The following ANGEL1 variants were observed in gnomAD, a reference collection of about 807,000 sequenced individuals.
ANGEL1 encodes angel homolog 1, also known as RNA 2',3'-cyclic phosphatase ANGEL1.
ANGEL1 carries 62 observed loss-of-function variants against 76.4 expected under a neutral mutation model. That is an observed-to-expected ratio of 0.81 (90% CI 0.66 to 1.00). ANGEL1 has a LOEUF of 1.00. Ranked by LOEUF, ANGEL1 falls within the 50% of genes least tolerant of loss-of-function variation. The pLI, the probability that ANGEL1 is intolerant of heterozygous loss-of-function variation, is 0.00. For synonymous variants in ANGEL1, 340 were observed against 331.7 expected (o/e 1.03, Z -0.27); for missense variants, 737 against 836.7 (o/e 0.88, Z 1.47).
intron 7 of ANGEL1, among the ~76,000 whole-genome samples, chr14:76,801,065 A>G (rs1271439132): frequency 6.6e-6 from 1 of 150,552 alleles, no homozygotes; most frequent in Non-Finnish European, 1.5e-5. Flanking sequence ...TTCATCTTTG[A>G]CTTCTAGGAA....
chr14:76,803,794 T>C lies in ANGEL1; in HGVS notation c.1499A>G (p.Lys500Arg). ...ATGTGACATGTGCTCACCTGATCTC[T>C]TGGGGTGACAGGAGGTGACATACTG... ...CCQYVTSCHPKRSERRKYGRD... is the reference protein window; with the variant it reads ...CCQYVTSCHPRRSERRKYGRD... The change falls in exon 6 of 10, where the codon AAG becomes AGG. Residue 500 changes from lysine to arginine, a missense_variant. Around this residue, in one of 2 missense-constraint regions of ANGEL1, gnomAD observed 296 missense variants for 387.2 expected, o/e 0.76. Coordinates refer to ENST00000251089, the MANE Select transcript of ANGEL1 (RefSeq NM_015305.4). The C allele has an allele frequency of 1.2e-6, 2 of 1,612,634 alleles. No homozygotes were observed. Among genetic ancestry groups the C allele is most frequent in the Non-Finnish European group, 1.7e-6 (2 of 1,179,140 alleles).
At position 76,789,461 on chromosome 14, in the gene ANGEL1, C is replaced by T; in HGVS notation, c.1853-73G>A. The T allele has an allele frequency of 3.2e-6, 5 of 1,554,306 alleles. No homozygotes were observed. The South Asian group carries it at 6.0e-5, about 19-fold the overall frequency. ...CTGCATGGGCAGGCAGTGGCAGAGT[C>T]CTTTGGGAACGCCTTCTGCAGGCTG... On this transcript the variant is annotated intron_variant, in intron 9 of 9. Coordinates refer to ENST00000251089, the MANE Select transcript of ANGEL1 (RefSeq NM_015305.4).
At position 76,790,785 on chromosome 14, in the gene ANGEL1, G is replaced by T. The variant is rs1894382445; in HGVS notation, c.1689-11C>A. ...ATGGTACCTACAGTCCTACAGGGAT[G>T]AAGGGGGAAACATTAGTTAACAAAA... On this transcript the variant is annotated splice_polypyrimidine_tract_variant and intron_variant, in intron 8 of 9. Coordinates refer to ENST00000251089, the MANE Select transcript of ANGEL1 (RefSeq NM_015305.4). 3 of 1,573,666 alleles carry T rather than the reference G, an allele frequency of 1.9e-6. No homozygotes were observed. Among genetic ancestry groups the T allele is most frequent in the Non-Finnish European group, 2.6e-6 (3 of 1,158,726 alleles).
chr14:76,803,220 T>G lies in ANGEL1; in HGVS notation c.1618+151A>C, dbSNP rs188596482. The G allele has an allele frequency of 3.7e-4, 240 of 653,402 alleles. 1 individual carries two copies. The East Asian group carries it at 6.2e-3, about 17-fold the overall frequency. 40.5% of individuals were successfully genotyped at this position (653,402 alleles called of 1,614,324 possible). A position where few individuals can be genotyped will look rare whatever the true frequency, so the allele number is the denominator to read the frequency against. ...CACTGCACATCCATGCAATGGCCAC[T>G]GAACTCAACTAACCTTCCTTCTAAA... On this transcript the variant is annotated intron_variant, in intron 7 of 9. Transcript: ENST00000251089.
intron 7 of ANGEL1, among the ~76,000 whole-genome samples, chr14:76,802,731 C>T (rs1411386525): frequency 6.6e-6 from 1 of 152,020 alleles, no homozygotes; most frequent in African/African-American, 2.4e-5. Flanking sequence ...AAAAAGTACT[C>T]AGCTAGTTCT....
intron 6 of ANGEL1, 70 bp from the exon 7 acceptor site, chr14:76,803,551 C>T: frequency 6.7e-7 from 1 of 1,482,080 alleles, no homozygotes; most frequent in Non-Finnish European, 9.4e-7. Flanking sequence ...TCCTTAGTAC[C>T]AAGCAACTTC....
In ANGEL1 at chr14:76,786,056, C is replaced by G. The variant is rs1894250918; in HGVS notation, c.*3172G>C. ...TTTCTATTTCACCAAGGAATGTGAA[C>G]TGAAATACAGAGAGGTTAAGTAACT... is the stretch of plus-strand genomic sequence containing the variant. On this transcript the variant is annotated 3_prime_UTR_variant, in exon 10 of 10. Transcript: ENST00000251089. 1 of 152,192 alleles carries G rather than the reference C, an allele frequency of 6.6e-6. No individual in the cohort carries two copies. Among genetic ancestry groups the G allele is most frequent in the African/African-American group, 2.4e-5 (1 of 41,442 alleles). 9.4% of individuals were successfully genotyped at this position (152,192 alleles called of 1,614,324 possible). A position where few individuals can be genotyped will look rare whatever the true frequency, so the allele number is the denominator to read the frequency against.
At chr14:76,799,493 C>A (rs1026523884) in intron 7 of ANGEL1, among the ~76,000 whole-genome samples, 62 of 151,926 alleles carry the variant, frequency 4.1e-4, no homozygotes, top group Admixed American at 9.8e-4. Context: ...CAGGGTTTCA[C>A]CATGTTAGCC....
In ANGEL1 at chr14:76,812,875, C is replaced by A. The variant is rs1186085053; in HGVS notation, c.-48G>T. Reference sequence around the variant, plus strand: ...CCGCTCCTCACTGCAGCCAGCAGGTCCTCCCTCAGCTCGGCCCCGCCCCCG... The same window carrying A: ...CCGCTCCTCACTGCAGCCAGCAGGTACTCCCTCAGCTCGGCCCCGCCCCCG... On this transcript the variant is annotated 5_prime_UTR_variant, in exon 1 of 10. Coordinates refer to ENST00000251089, the MANE Select transcript of ANGEL1 (RefSeq NM_015305.4). 60 of 1,469,930 alleles carry A rather than the reference C, an allele frequency of 4.1e-5. No homozygotes were observed. The highest frequency in any genetic ancestry group is 3.9e-5 in the Non-Finnish European group (43 of 1,111,894). The allele number at this position is 1,469,930 out of a possible 1,614,324, so 91.1% of individuals were successfully genotyped here. A position where few individuals can be genotyped will look rare whatever the true frequency, so the allele number is the denominator to read the frequency against.
At chr14:76,807,538 T>A in intron 3 of ANGEL1, 36 bp from the exon 4 acceptor site, 1 of 1,601,604 alleles carries the variant, frequency 6.2e-7, no homozygotes, top group South Asian at 1.1e-5. Flanking sequence ...CACTCCAGAG[T>A]GCTGGAATGT....
Position 76,809,097 on chromosome 14 carries a change from C to T in ANGEL1, c.611G>A (p.Gly204Glu). The T allele has an allele frequency of 6.2e-7, 1 of 1,614,030 alleles. No homozygotes were observed. Among genetic ancestry groups the T allele is most frequent in the Non-Finnish European group, 8.5e-7 (1 of 1,179,968 alleles). ...EASIWPFEGLGQLQPPAVEIP... is the reference protein window; with the variant it reads ...EASIWPFEGLEQLQPPAVEIP... ...TTCCACTGCGGGAGGCTGCAACTGC[C>T]CCAGGCCCTCAAAGGGCCAGATGGA... Residue 204 changes from glycine to glutamate, a missense_variant, in exon 2 of 10, where the codon GGG (glycine) becomes GAG (glutamate). This residue lies in a region of ANGEL1 where 441 missense variants were observed against 449.5 expected (regional missense o/e 0.98). Transcript: ENST00000251089.
intron 7 of ANGEL1, among the ~76,000 whole-genome samples, chr14:76,793,750 C>A (rs1894491531): frequency 6.6e-6 from 1 of 151,596 alleles, no homozygotes; most frequent in African/African-American, 2.4e-5. Context: ...CCAGCGGATG[C>A]CTGAAACAAT....
At chr14:76,811,352 T>TA (rs1450704707) in intron 1 of ANGEL1, among the ~76,000 whole-genome samples, 4 of 152,168 alleles carry the variant, frequency 2.6e-5, no homozygotes, top group Admixed American at 6.5e-5. Context: ...ATGGCAGAGG[T>TA]TCTTTGGTTC....
chr14:76,797,424 C>T (rs1275670930), intron 7 of ANGEL1, among the ~76,000 whole-genome samples: 2 of 152,152 alleles, frequency 1.3e-5, no homozygotes, highest in East Asian at 3.9e-4. Flanking sequence ...CATGGTGAAA[C>T]CCTATCTCTA....
At chr14:76,795,844 T>A (rs1894560537) in intron 7 of ANGEL1, among the ~76,000 whole-genome samples, 1 of 152,238 alleles carries the variant, frequency 6.6e-6, no homozygotes, top group Non-Finnish European at 1.5e-5. Context: ...CCTGCTCTTT[T>A]CCCACTTACA....
intron 1 of ANGEL1, among the ~76,000 whole-genome samples, chr14:76,810,874 C>T (rs1238804017): frequency 6.6e-6 from 1 of 152,324 alleles, no homozygotes; most frequent in South Asian, 2.1e-4. Flanking sequence ...ACACACTCAA[C>T]CATTTATTTA....
chr14:76,803,181 C>T (rs758820999), intron 7 of ANGEL1, among the ~76,000 whole-genome samples, 190 bp downstream of exon 7: 2 of 152,178 alleles, frequency 1.3e-5, no homozygotes, highest in Non-Finnish European at 2.9e-5. Context: ...ATTCCTGGTC[C>T]GGCACTCTTA....
At chr14:76,809,679 G>A (rs1392553401) in intron 1 of ANGEL1, 36 bp from the exon 2 acceptor site, 13 of 1,546,734 alleles carry the variant, frequency 8.4e-6, no homozygotes, top group South Asian at 1.2e-5. Context: ...TTATAAGACT[G>A]TCATCCAACC....
Position 76,806,470 on chromosome 14 carries a change from G to A in ANGEL1, c.1326C>T (p.Leu442=). 6.2e-7 allele frequency: 1 copy of A among 1,614,168 alleles called. No individual in the cohort carries two copies. The highest frequency in any genetic ancestry group is 8.5e-7 in the Non-Finnish European group (1 of 1,180,032). ...GCTCTCCATCCCTGATGAAGTTGTAGAGAGGTGAATCAGGGACAGAATTTA... is the reference window on the plus strand; with the variant it reads ...GCTCTCCATCCCTGATGAAGTTGTAAAGAGGTGAATCAGGGACAGAATTTA... The part of the protein sequence containing the change: ...GDLNSVPDSP[L]YNFIRDGELQ... Residue 442 remains leucine (L), a synonymous_variant, in exon 5 of 10, where the codon CTC becomes CTT. Coordinates refer to ENST00000251089, the MANE Select transcript of ANGEL1 (RefSeq NM_015305.4).
Sources: gnomAD v4.1 joint callset for allele counts (sites outside exome capture counted in the v4.1 genomes callset) on GRCh38, gnomAD v4.1.1 for gene constraint, gnomAD v4.1.1 regional missense constraint, MANE v1.5 for transcripts, NCBI Gene and HGNC (gene_info 2026-07-23, HGNC 2026-07-21) for gene names.